CORO2B: variants seen among roughly 807,000 people sequenced by gnomAD.
The protein encoded by CORO2B is coronin 2B.
Under a neutral mutation model 58.8 loss-of-function variants are expected in CORO2B, and 26 were observed. The observed-to-expected ratio is 0.44, with a 90% CI of 0.32 to 0.61. The LOEUF is 0.61. Ranked by LOEUF, CORO2B falls within the 20% of genes least tolerant of loss-of-function variation. The probability of loss-of-function intolerance (pLI) is 0.04; values close to 1 mark genes in which losing one functional copy is unlikely to be tolerated. For missense variants in CORO2B, 460 were observed against 645.1 expected (o/e 0.71, Z 3.11); for synonymous variants, 242 against 253.8 (o/e 0.95, Z 0.44).
At chr15:68,671,048 T>C (rs773810434) in intron 2 of CORO2B, among the ~76,000 whole-genome samples, 13 of 152,308 alleles carry the variant, frequency 8.5e-5, no homozygotes, top group African/African-American at 1.9e-4. Flanking sequence ...AAAGCACTTA[T>C]GGATCCAAAA....
At chr15:68,592,375 G>C (rs1899729196) in intron 1 of CORO2B, among the ~76,000 whole-genome samples, 1 of 152,114 alleles carries the variant, frequency 6.6e-6, no homozygotes, top group African/African-American at 2.4e-5. Context: ...CATTGGGAGA[G>C]CCCTCATCTG....
chr15:68,681,519 T>C (rs1902784099), intron 2 of CORO2B, among the ~76,000 whole-genome samples: 3 of 152,144 alleles, frequency 2.0e-5, no homozygotes, highest in Admixed American at 2.0e-4. Flanking sequence ...CATCCAAATA[T>C]TGGGATTGGG....
At chr15:68,571,200 C>A in the CORO2B span, among the ~76,000 whole-genome samples, 2 of 152,172 alleles carry the variant, frequency 1.3e-5, no homozygotes, top group South Asian at 2.1e-4. Context: ...CTTCCTTTCC[C>A]ATCCTGCCCC....
At chr15:68,696,503 C>T (rs532307130) in intron 3 of CORO2B, among the ~76,000 whole-genome samples, 2 of 147,188 alleles carry the variant, frequency 1.4e-5, no homozygotes, top group African/African-American at 2.5e-5. Context: ...GAGCTGAGAT[C>T]GTGCCACTGC....
At chr15:68,603,731 G>T (rs2140240803) in intron 1 of CORO2B, among the ~76,000 whole-genome samples, 1 of 152,268 alleles carries the variant, frequency 6.6e-6, no homozygotes, top group East Asian at 1.9e-4. Context: ...TGCAAACCAG[G>T]AAGAGAGGCC....
the CORO2B span, among the ~76,000 whole-genome samples, chr15:68,554,030 G>A: frequency 1.3e-5 from 2 of 152,228 alleles, no homozygotes; most frequent in Non-Finnish European, 2.9e-5. Flanking sequence ...TGGAGGCTGA[G>A]CAGTAGTCCA....
chr15:68,633,042 G>A (rs1303700732), intron 1 of CORO2B, among the ~76,000 whole-genome samples: 1 of 152,114 alleles, frequency 6.6e-6, no homozygotes, highest in African/African-American at 2.4e-5. Flanking sequence ...TATGGCTTCT[G>A]CCTCTGCCAC....
At chr15:68,568,978 T>C in the CORO2B span, among the ~76,000 whole-genome samples, 8 of 151,990 alleles carry the variant, frequency 5.3e-5, no homozygotes, top group Non-Finnish European at 7.4e-5. Context: ...TCCCAGAACC[T>C]AAAAGAAAAT....
At chr15:68,688,723 C>A (rs1431484716) in intron 2 of CORO2B, among the ~76,000 whole-genome samples, 1 of 152,136 alleles carries the variant, frequency 6.6e-6, no homozygotes, top group Non-Finnish European at 1.5e-5. Context: ...GACAATGTCC[C>A]CATTGCTGTC....
the CORO2B span, among the ~76,000 whole-genome samples, chr15:68,523,885 T>TG: frequency 6.6e-6 from 1 of 152,176 alleles, no homozygotes; most frequent in South Asian, 2.1e-4. Flanking sequence ...CCTTAAATAG[T>TG]GGTTGCCTTG....
At chr15:68,600,169 ATC>A (rs1899945877) in intron 1 of CORO2B, among the ~76,000 whole-genome samples, 8 of 152,202 alleles carry the variant, frequency 5.3e-5, no homozygotes, top group Admixed American at 2.0e-4. Flanking sequence ...ACAAGCCTCC[ATC>A]TAAAAACCAC....
chr15:68,559,738 G>C, the CORO2B span: 3 of 601,978 alleles, frequency 5.0e-6, no homozygotes, highest in South Asian at 2.2e-4. This position sits in a 1 kb window ranked among gnomAD's most constrained non-coding sequence, Gnocchi z 4.3. Context: ...AGGCTGCGGC[G>C]CCCGAGACCG....
intron 1 of CORO2B, among the ~76,000 whole-genome samples, chr15:68,636,007 C>T (rs1901021763): frequency 1.3e-5 from 2 of 152,190 alleles, no homozygotes; most frequent in South Asian, 4.1e-4. Context: ...GGAGAGACCT[C>T]GGTGACAGCT....
At chr15:68,558,685 T>C in the CORO2B span, among the ~76,000 whole-genome samples, 1 of 152,146 alleles carries the variant, frequency 6.6e-6, no homozygotes, top group Non-Finnish European at 1.5e-5. Flanking sequence ...TCTCTCCCCC[T>C]TGACTCCAGA....
chr15:68,604,060 A>G (rs564520220), intron 1 of CORO2B, among the ~76,000 whole-genome samples: 1 of 152,280 alleles, frequency 6.6e-6, no homozygotes, highest in South Asian at 2.1e-4. Flanking sequence ...TACCCCATAG[A>G]AGCGTTGTGA....
intron 2 of CORO2B, among the ~76,000 whole-genome samples, chr15:68,667,606 G>C (rs1336185425): frequency 6.6e-6 from 1 of 152,230 alleles, no homozygotes. Context: ...TTAAAACCCT[G>C]CGTGAGGAGT....
chr15:68,614,114 G>A (rs1295056430), intron 1 of CORO2B, among the ~76,000 whole-genome samples: 1 of 152,156 alleles, frequency 6.6e-6, no homozygotes, highest in African/African-American at 2.4e-5. Flanking sequence ...CAGACCTCCC[G>A]AATCAGAATC....
In CORO2B at chr15:68,714,567, C is replaced by A; in HGVS notation, c.774C>A (p.Leu258=). ...CAGCTCTTCTCCCTCAGGAGGACCT[C>A]TCCATGCCCCTGATCGAAGAGGAAA... is the stretch of plus-strand genomic sequence containing the variant. ...RQIALWDQED[L]SMPLIEEEID... Residue 258 remains leucine, a synonymous_variant, in exon 7 of 12, where the codon CTC becomes CTA. Transcript: ENST00000261861. The A allele has an allele frequency of 3.1e-6, 5 of 1,613,872 alleles. No individual in the cohort carries two copies. The highest frequency in any genetic ancestry group is 3.4e-6 in the Non-Finnish European group (4 of 1,179,762).
At position 68,593,540 on chromosome 15, in the gene CORO2B, G is replaced by A. The variant is rs555039506; in HGVS notation, c.15+14263G>A. On this transcript the variant is annotated intron_variant, in intron 1 of 11. Transcript: ENST00000261861. ...GGAGCCTCGTTCTCTAGACACTTGT[G>A]ACTGAGCTGGAACAATAAGACTTCA... Among the ~76,000 whole-genome samples the A allele has an allele frequency of 3.6e-4, 55 of 152,266 alleles. 1 individual carries two copies. The highest frequency in any genetic ancestry group is 1.3e-3 in the African/African-American group (55 of 41,542).
Sources: gnomAD v4.1 joint callset for allele counts (sites outside exome capture counted in the v4.1 genomes callset) on GRCh38, gnomAD v4.1.1 for gene constraint, Gnocchi (gnomAD v3.1) non-coding constraint, MANE v1.5 for transcripts, NCBI Gene and HGNC (gene_info 2026-07-23, HGNC 2026-07-21) for gene names.